Variants in PKHD1L1 observed in about 807,000 individuals in gnomAD.
PKHD1L1 encodes the protein fibrocystin-L.
A neutral mutation model predicts 462.9 loss-of-function variants in PKHD1L1; 434 were observed. The ratio of observed to expected loss-of-function variants is 0.94; its 90% confidence interval spans 0.87 to 1.02. The LOEUF (loss-of-function observed/expected upper bound fraction) is 1.02, where lower values mean the gene tolerates loss of function less well. Ranked by LOEUF, PKHD1L1 falls within the 50% of genes least tolerant of loss-of-function variation. PKHD1L1 has a pLI of 0.00. For missense variants in PKHD1L1, 5,202 were observed against 5,096.1 expected (o/e 1.02, Z -0.63); for synonymous variants, 1,781 against 1,750.0 (o/e 1.02, Z -0.44).
Position 109,452,180 on chromosome 8 carries a change from A to C in PKHD1L1, c.6407A>C (p.Tyr2136Ser), listed in dbSNP as rs1172047295. 1.9e-6 allele frequency: 3 copies of C among 1,613,348 alleles called. No homozygotes were observed. The highest frequency in any genetic ancestry group is 1.7e-6 in the Non-Finnish European group (2 of 1,179,622). Residue 2136 changes from tyrosine to serine, a missense_variant, in exon 42 of 78, where the codon TAT (tyrosine) becomes TCT (serine). Physicochemically the swap from Tyr to Ser is moderately radical, Grantham distance 144. This residue lies in a region of PKHD1L1 where 4,497 missense variants were observed against 4,336.8 expected (regional missense o/e 1.04). Coordinates refer to ENST00000378402, the MANE Select transcript of PKHD1L1 (RefSeq NM_177531.6). ...TIAEAKCDVE[Y>S]SNKTHIICMT... ...GCTGAAGCCAAATGTGATGTTGAGT[A>C]TTCCAACAAGACACACATCATCTGC... is the stretch of plus-strand genomic sequence containing the variant.
intron 25 of PKHD1L1, 123 bp from the exon 26 acceptor site, chr8:109,429,217 T>C: frequency 1.1e-6 from 1 of 907,654 alleles, no homozygotes; most frequent in Non-Finnish European, 1.6e-6. Flanking sequence ...ACAATGGTTT[T>C]GAATTTTATT....
Position 109,420,582 on chromosome 8 carries a change from G to T in PKHD1L1, c.2589G>T (p.Val863=), listed in dbSNP as rs1212069274. 1 of 1,610,048 alleles carries T rather than the reference G, an allele frequency of 6.2e-7. No homozygotes were observed. The highest frequency in any genetic ancestry group is 1.3e-5 in the African/African-American group (1 of 74,634). ...GAATATTCTTAGAGCACTTTCAGGTGAATCAGACCAAAACAAATGGGCCAA... is the reference window on the plus strand; with the variant it reads ...GAATATTCTTAGAGCACTTTCAGGTTAATCAGACCAAAACAAATGGGCCAA... The part of the protein sequence containing the change: ...NKGIFLEHFQ[V]NQTKTNGPTM... The change falls in exon 23 of 78, where the codon GTG becomes GTT. Residue 863 remains valine, a synonymous_variant. Transcript: ENST00000378402.
rs992882130 is a variant in PKHD1L1 at position 109,531,480 on chromosome 8, A to T, written c.*1390A>T. On this transcript the variant is annotated 3_prime_UTR_variant, in exon 78 of 78. Coordinates refer to ENST00000378402, the MANE Select transcript of PKHD1L1 (RefSeq NM_177531.6). ...CAGAGAGATAGAGACAGAGACAGAG[A>T]GGGAGGGGGAGAGAGAGATAGATAG... is the stretch of plus-strand genomic sequence containing the variant. Among the ~76,000 whole-genome samples, 13 of 152,042 alleles carry T rather than the reference A, an allele frequency of 8.6e-5. No homozygotes were observed. Among genetic ancestry groups the T allele is most frequent in the Admixed American group, 2.6e-4 (4 of 15,246 alleles).
At chr8:109,429,255 T>C in intron 25 of PKHD1L1, 85 bp from the exon 26 acceptor site, 1 of 1,166,052 alleles carries the variant, frequency 8.6e-7, no homozygotes, top group Non-Finnish European at 1.2e-6. Context: ...TATTCACCTT[T>C]GCCTATGCTG....
intron 58 of PKHD1L1, among the ~76,000 whole-genome samples, chr8:109,486,244 C>G (rs1818520056): frequency 6.6e-6 from 1 of 151,874 alleles, no homozygotes; most frequent in African/African-American, 2.4e-5. Context: ...GTTGTTGATT[C>G]TCCTCCTAGC....
chr8:109,382,230 A>G (rs1333486161), intron 3 of PKHD1L1, among the ~76,000 whole-genome samples: 2 of 152,140 alleles, frequency 1.3e-5, no homozygotes, highest in Admixed American at 1.3e-4. Flanking sequence ...ACCAATGTGC[A>G]CAGTCGGAAT....
chr8:109,400,591 T>A lies in PKHD1L1; in HGVS notation c.1281+247T>A, dbSNP rs576949962. The stretch of plus-strand genomic sequence containing the variant: ...ATTCTACATTAACTTGGTTATGAGA[T>A]AAAATTCATCTCTCTATTTTTTATA... On this transcript the variant is annotated intron_variant, in intron 13 of 77. Transcript: ENST00000378402. Among the ~76,000 whole-genome samples the A allele has an allele frequency of 1.0e-3, 142 of 138,822 alleles. 1 individual carries two copies. The highest frequency in any genetic ancestry group is 3.0e-3 in the African/African-American group (122 of 40,112). 91.1% of individuals were successfully genotyped at this position (138,822 alleles called of 152,430 possible).
At chr8:109,406,548 A>G (rs1813547165) in intron 17 of PKHD1L1, 70 bp downstream of exon 17, 4 of 1,418,956 alleles carry the variant, frequency 2.8e-6, no homozygotes, top group African/African-American at 2.9e-5. Context: ...TAAAAGTTCC[A>G]TAAGATGACA....
At position 109,471,060 on chromosome 8, in the gene PKHD1L1, A is replaced by G. The variant is rs1281268238; in HGVS notation, c.8606-4058A>G. On this transcript the variant is annotated intron_variant, in intron 50 of 77. Transcript: ENST00000378402. ...GCCACATTAACACCTTCTGCGATGA[A>G]ATCTTCTCCTCAAATTCCTCATCAA... 1.0e-5 allele frequency: 16 copies of G among 1,584,312 alleles called. No homozygotes were observed. The Admixed American group carries it at 2.7e-4, about 26-fold the overall frequency.
chr8:109,438,209 GA>G (rs1470441728), intron 30 of PKHD1L1, 114 bp from the exon 31 acceptor site: 1 of 783,106 alleles, frequency 1.3e-6, no homozygotes, highest in Non-Finnish European at 1.9e-6. Flanking sequence ...CTCTGATCTT[GA>G]CTTTGAAGTA....
chr8:109,436,109 A>G (rs560398376), intron 29 of PKHD1L1, among the ~76,000 whole-genome samples: 1 of 152,204 alleles, frequency 6.6e-6, no homozygotes, highest in Non-Finnish European at 1.5e-5. Context: ...ATGTTATTTC[A>G]TTAAATCACT....
Position 109,409,965 on chromosome 8 carries a change from C to T in PKHD1L1, c.2072C>T (p.Thr691Ile). The change falls in exon 19 of 78, where the codon ACT (threonine) becomes ATT (isoleucine). Residue 691 changes from threonine (T) to isoleucine (I), a missense_variant. This residue lies in a region of PKHD1L1 where 4,497 missense variants were observed against 4,336.8 expected (regional missense o/e 1.04). Transcript: ENST00000378402. Reference sequence around the variant, plus strand: ...GTGAAATATTTCAGAGACTATGAAACTGATTTTAATCTGGTATGAAATATT... The same window carrying T: ...GTGAAATATTTCAGAGACTATGAAATTGATTTTAATCTGGTATGAAATATT... ...FVVKYFRDYE[T>I]DFNLEHINRG... 1 of 1,562,082 alleles carries T rather than the reference C, an allele frequency of 6.4e-7. No homozygotes were observed. The highest frequency in any genetic ancestry group is 8.7e-7 in the Non-Finnish European group (1 of 1,145,928).
intron 47 of PKHD1L1, among the ~76,000 whole-genome samples, chr8:109,461,400 C>A (rs1817117703): frequency 1.3e-5 from 2 of 152,146 alleles, no homozygotes. Context: ...AAGTAAGTGA[C>A]ATAATGCATA....
chr8:109,483,945 A>G (rs1339387055), intron 57 of PKHD1L1, among the ~76,000 whole-genome samples: 1 of 151,812 alleles, frequency 6.6e-6, no homozygotes, highest in East Asian at 1.9e-4. Flanking sequence ...CACAGGTTTT[A>G]CAAATACATT....
At chr8:109,443,521 T>C (rs1048007685) in intron 36 of PKHD1L1, among the ~76,000 whole-genome samples, 155 bp from the exon 37 acceptor site, 2 of 152,218 alleles carry the variant, frequency 1.3e-5, no homozygotes, top group Admixed American at 1.3e-4. Flanking sequence ...TTTAATACTT[T>C]TGTACTGCCT....
At chr8:109,477,123 A>T (rs1818028469) in intron 52 of PKHD1L1, 102 bp from the exon 53 acceptor site, 2 of 1,079,924 alleles carry the variant, frequency 1.9e-6, no homozygotes, top group South Asian at 2.8e-5. Flanking sequence ...ATTATAATTC[A>T]AGTTACTACC....
rs1404352551 is a variant in PKHD1L1 at position 109,461,701 on chromosome 8, T to C, written c.7247-71T>C. The C allele has an allele frequency of 1.8e-5, 26 of 1,477,488 alleles. 1 individual carries two copies. Among genetic ancestry groups the C allele is most frequent in the Middle Eastern group, 1.7e-4 (1 of 5,746 alleles). 91.5% of individuals were successfully genotyped at this position (1,477,488 alleles called of 1,614,324 possible). ...TATGTGAATCAAATGATACACTTAG[T>C]TATGAGAAAATCTTCAATATAAGAG... On this transcript the variant is annotated intron_variant, in intron 47 of 77. Coordinates refer to ENST00000378402, the MANE Select transcript of PKHD1L1 (RefSeq NM_177531.6).
intron 67 of PKHD1L1, chr8:109,499,041 A>G: frequency 2.6e-6 from 1 of 385,474 alleles, no homozygotes; most frequent in East Asian, 4.8e-5. Flanking sequence ...ATTAATTTGT[A>G]TAATTTGTAA....
intron 12 of PKHD1L1, 108 bp downstream of exon 12, chr8:109,398,656 G>A (rs1177735693): frequency 6.6e-6 from 3 of 455,168 alleles, no homozygotes; most frequent in African/African-American, 6.2e-5. Flanking sequence ...AGTAAGAATT[G>A]TAAGAAATTT....
Sources: gnomAD v4.1 joint callset for allele counts (sites outside exome capture counted in the v4.1 genomes callset) on GRCh38, gnomAD v4.1.1 for gene constraint, gnomAD v4.1.1 regional missense constraint, MANE v1.5 for transcripts, NCBI Gene and HGNC (gene_info 2026-07-23, HGNC 2026-07-21) for gene names.